The following PLEKHH3 variants were observed in gnomAD, a reference collection of about 807,000 sequenced individuals.
PLEKHH3 encodes the protein pleckstrin homology domain-containing family H member 3.
In PLEKHH3, 57 loss-of-function variants were observed where a neutral mutation model predicts 77.8. That is an observed-to-expected ratio of 0.73 (90% CI 0.59 to 0.91). PLEKHH3 has a LOEUF of 0.91. Among genes scored for constraint, PLEKHH3 ranks in the 40% least tolerant of loss-of-function variants. The pLI, the probability that PLEKHH3 is intolerant of heterozygous loss-of-function variation, is 0.00. For synonymous variants in PLEKHH3, 467 were observed against 504.8 expected (o/e 0.93, Z 1.00); for missense variants, 1,082 against 1,091.2 (o/e 0.99, Z 0.12).
In PLEKHH3 at chr17:42,668,257, GA is replaced by G; in HGVS notation, c.2251del (p.Ser751ProfsTer63). On this transcript the variant is annotated frameshift_variant, in exon 13 of 13. Transcript: ENST00000591022. LOFTEE classifies it high-confidence loss of function. ...AGAGCTGCTGCAGGGCCTCTCGGGG[GA>G]GGGGTTGGCCAAGTAGGCATTCACC... ...QLVNAYLANP[S>X]PERPCSSSSP... 1 of 1,559,604 alleles carries G rather than the reference GA, an allele frequency of 6.4e-7. No homozygotes were observed. The highest frequency in any genetic ancestry group is 8.6e-7 in the Non-Finnish European group (1 of 1,160,004).
chr17:42,671,509 T>G lies in PLEKHH3; in HGVS notation c.1126A>C (p.Ile376Leu), dbSNP rs2052701620. The change falls in exon 8 of 13, where the codon ATC becomes CTC. Residue 376 changes from isoleucine (I) to leucine (L), a missense_variant. By Grantham distance (5) the Ile-to-Leu change is conservative (BLOSUM62 2). Coordinates refer to ENST00000591022, the MANE Select transcript of PLEKHH3 (RefSeq NM_024927.5). This position sits in a 1 kb window ranked among gnomAD's most constrained non-coding sequence, Gnocchi z 4.7. ...DSELAEYARF[I>L]RKALGRTRGR... is the part of the protein sequence containing the mutation. The stretch of plus-strand genomic sequence containing the variant: ...CGCGTCCGGCCCAGCGCTTTCCGGA[T>G]GAAGCGCGCATATTCCGCCAGTTCC... 4 of 1,612,888 alleles carry G rather than the reference T, an allele frequency of 2.5e-6. No individual in the cohort carries two copies. The African/African-American group carries it at 4.0e-5, about 16-fold the overall frequency.
At chr17:42,669,689 G>A in intron 11 of PLEKHH3, 68 bp from the exon 12 acceptor site, 1 of 1,515,192 alleles carries the variant, frequency 6.6e-7, no homozygotes. Context: ...GGGGGAGATG[G>A]GTGTCTGTGA....
Position 42,672,303 on chromosome 17 carries a change from TC to T in PLEKHH3, c.858del (p.Met287CysfsTer53). 6.5e-7 allele frequency: 1 copy of T among 1,549,610 alleles called. No homozygotes were observed. Among genetic ancestry groups the T allele is most frequent in the Non-Finnish European group, 8.7e-7 (1 of 1,146,764 alleles). Reference protein sequence around the residue: ...ALEGARRPGPLMQGVLQTCRD... With the variant: ...ALEGARRPGPXMQGVLQTCRD... ...CGGCAGGTTTGGAGCACACCCTGCA[TC>T]AAGGGCCCGGGGCGCCGCGCCCCCT... On this transcript the variant is annotated frameshift_variant, in exon 7 of 13. Transcript: ENST00000591022. LOFTEE classifies it high-confidence loss of function.
intron 10 of PLEKHH3, 83 bp downstream of exon 10, chr17:42,670,490 T>C (rs572044100): frequency 1.4e-5 from 22 of 1,535,058 alleles, no homozygotes; most frequent in Admixed American, 1.0e-4. Flanking sequence ...GGGGCTGCCA[T>C]AGTGATGAAA....
Position 42,669,411 on chromosome 17 carries a change from A to G in PLEKHH3, c.2205+19T>C. The G allele has an allele frequency of 6.6e-7, 1 of 1,506,254 alleles. No homozygotes were observed. The allele number at this position is 1,506,254 out of a possible 1,614,324, so 93.3% of individuals were successfully genotyped here. On this transcript the variant is annotated intron_variant, in intron 12 of 12. Transcript: ENST00000591022. ...CGCTTCCCTTCTCTCCTCCTCCCAC[A>G]ACTCCTCTTCTCACTCACCTGGGGG...
At chr17:42,673,124 C>T (rs2052737672) in intron 6 of PLEKHH3, 52 bp downstream of exon 6, 2 of 1,472,658 alleles carry the variant, frequency 1.4e-6, no homozygotes, top group South Asian at 1.5e-5. Context: ...CAGATTCTTA[C>T]CTCTGAACCA....
At chr17:42,668,449 C>A in intron 12 of PLEKHH3, 146 bp from the exon 13 acceptor site, 1 of 603,264 alleles carries the variant, frequency 1.7e-6, no homozygotes, top group African/African-American at 1.9e-5. Context: ...TATCACCACT[C>A]TCTCCTTCAT....
Position 42,673,953 on chromosome 17 carries a change from G to A in PLEKHH3, c.279C>T (p.Asp93=), listed in dbSNP as rs1046705069. The change falls in exon 3 of 13, where the codon GAC becomes GAT. Residue 93 remains aspartate, a synonymous_variant. Transcript: ENST00000591022. ...LIPEKGLPED[D]PDIVVKGWLY... is the part of the protein sequence containing the mutation. ...CTCTACCTTTCACAACGATGTCCGGGTCGTCCTCCGGCAGCCCTTTCTCCG... is the reference window on the plus strand; with the variant it reads ...CTCTACCTTTCACAACGATGTCCGGATCGTCCTCCGGCAGCCCTTTCTCCG... The A allele has an allele frequency of 1.7e-5, 28 of 1,613,410 alleles. No individual in the cohort carries two copies. The highest frequency in any genetic ancestry group is 2.1e-5 in the Non-Finnish European group (25 of 1,179,940).
Position 42,676,636 on chromosome 17 carries a change from G to T in PLEKHH3, c.-73C>A, listed in dbSNP as rs2052834645. On this transcript the variant is annotated 5_prime_UTR_variant, in exon 1 of 13. Coordinates refer to ENST00000591022, the MANE Select transcript of PLEKHH3 (RefSeq NM_024927.5). The surrounding 1 kb of genome is among the most constrained non-coding windows in gnomAD (Gnocchi z 6.6). ...GTAGGGGGTCGGAGGAACTGGCGGGGCTCCGACCCGAGCAGGGGAAAGATG... is the reference window on the plus strand; with the variant it reads ...GTAGGGGGTCGGAGGAACTGGCGGGTCTCCGACCCGAGCAGGGGAAAGATG... The T allele has an allele frequency of 1.4e-6, 2 of 1,405,930 alleles. No homozygotes were observed. Among genetic ancestry groups the T allele is most frequent in the Admixed American group, 2.0e-5 (1 of 50,116 alleles). The allele number at this position is 1,405,930 out of a possible 1,614,324, so 87.1% of individuals were successfully genotyped here.
In PLEKHH3 at chr17:42,670,268, G is replaced by C; in HGVS notation, c.1663C>G (p.Pro555Ala). The C allele has an allele frequency of 2.3e-6, 3 of 1,289,398 alleles. No individual in the cohort carries two copies. Among genetic ancestry groups the C allele is most frequent in the Non-Finnish European group, 2.9e-6 (3 of 1,021,104 alleles). The allele number at this position is 1,289,398 out of a possible 1,614,324, so 79.9% of individuals were successfully genotyped here. The change falls in exon 11 of 13, where the codon CCC becomes GCC. Residue 555 changes from proline (P) to alanine (A), a missense_variant. Around this residue, in one of 3 missense-constraint regions of PLEKHH3, gnomAD observed 733 missense variants for 750.0 expected, o/e 0.98. Transcript: ENST00000591022. ...SLQRDFSPRVPLPRLDRLLPP... is the reference protein window; with the variant it reads ...SLQRDFSPRVALPRLDRLLPP... Reference sequence around the variant, plus strand: ...AGCAGGCGGTCCAGGCGGGGCAGGGGCACCCGCGGAGAGAAGTCCCGCTGC... The same window carrying C: ...AGCAGGCGGTCCAGGCGGGGCAGGGCCACCCGCGGAGAGAAGTCCCGCTGC...
At position 42,673,684 on chromosome 17, in the gene PLEKHH3, A is replaced by T. The variant is rs1386055039; in HGVS notation, c.449T>A (p.Leu150Gln). 2 of 1,602,426 alleles carry T rather than the reference A, an allele frequency of 1.2e-6. No individual in the cohort carries two copies. The highest frequency in any genetic ancestry group is 2.2e-5 in the South Asian group (2 of 91,058). ...GCGCTCTGGGCCGGTCACCGAGCAC[A>T]GGCTGGTGAGCACGAGGCTCCCGAG... Reference protein sequence around the residue: ...RRLGSLVLTSLCSVTGPERRR... With the variant: ...RRLGSLVLTSQCSVTGPERRR... The change falls in exon 4 of 13, where the codon CTG becomes CAG. Residue 150 changes from leucine (L) to glutamine (Q), a missense_variant. This residue lies in a region of PLEKHH3 where 344 missense variants were observed against 320.8 expected (regional missense o/e 1.07). Coordinates refer to ENST00000591022, the MANE Select transcript of PLEKHH3 (RefSeq NM_024927.5).
chr17:42,670,377 C>G lies in PLEKHH3; in HGVS notation c.1555-1G>C. The G allele has an allele frequency of 7.0e-7, 1 of 1,438,618 alleles. No homozygotes were observed. The highest frequency in any genetic ancestry group is 9.0e-7 in the Non-Finnish European group (1 of 1,105,818). 89.1% of individuals were successfully genotyped at this position (1,438,618 alleles called of 1,614,324 possible). On this transcript the variant is annotated splice_acceptor_variant, in intron 10 of 12. Coordinates refer to ENST00000591022, the MANE Select transcript of PLEKHH3 (RefSeq NM_024927.5). LOFTEE classifies it high-confidence loss of function. ...GGCCCCGCAGCAGCAGAGCGTGAGCCTGCAGGGGAGGCACCCGGCGTCAGT... is the reference window on the plus strand; with the variant it reads ...GGCCCCGCAGCAGCAGAGCGTGAGCGTGCAGGGGAGGCACCCGGCGTCAGT...
Position 42,671,029 on chromosome 17 carries a change from C to T in PLEKHH3, c.1386G>A (p.Gly462=), listed in dbSNP as rs538834328. 1.9e-5 allele frequency: 31 copies of T among 1,610,500 alleles called. No individual in the cohort carries two copies. Among genetic ancestry groups the T allele is most frequent in the East Asian group, 2.2e-5 (1 of 44,842 alleles). ...RGAQERALAG[G]TLVADVLTRF... is the part of the protein sequence containing the mutation. ...TGGTGAGCACGTCGGCCACGAGGGT[C>T]CCCCCAGCCAGGGCTCGCTCCTGGG... Residue 462 remains glycine (G), a synonymous_variant, in exon 9 of 13, where the codon GGG becomes GGA. Transcript: ENST00000591022. This position sits in a 1 kb window ranked among gnomAD's most constrained non-coding sequence, Gnocchi z 4.7.
chr17:42,672,387 C>A lies in PLEKHH3; in HGVS notation c.775G>T (p.Gly259Cys). 1.3e-6 allele frequency: 2 copies of A among 1,514,608 alleles called. No individual in the cohort carries two copies. Among genetic ancestry groups the A allele is most frequent in the Non-Finnish European group, 1.8e-6 (2 of 1,132,214 alleles). The allele number at this position is 1,514,608 out of a possible 1,614,324, so 93.8% of individuals were successfully genotyped here. A position where few individuals can be genotyped will look rare whatever the true frequency, so the allele number is the denominator to read the frequency against. ...LPYGVSAPGP[G>C]YAPLREEAVR... ...GCCTCCTCGCGCAGGGGTGCATAGC[C>A]CGGACCTGTGGGAGGGTGGGGGCGG... The change falls in exon 7 of 13, where the codon GGC (glycine) becomes TGC (cysteine). Residue 259 changes from glycine (G) to cysteine (C), a missense_variant. By Grantham distance (159) the Gly-to-Cys change is radical. Transcript: ENST00000591022.
chr17:42,669,889 A>G (rs2052645200), intron 11 of PLEKHH3, 29 bp downstream of exon 11: 1 of 1,611,740 alleles, frequency 6.2e-7, no homozygotes, highest in East Asian at 2.2e-5. Context: ...TTGGGCCGCC[A>G]GAGTCCCCTT....
At chr17:42,670,764 G>C in intron 9 of PLEKHH3, 59 bp from the exon 10 acceptor site, 1 of 1,570,934 alleles carries the variant, frequency 6.4e-7, no homozygotes, top group Non-Finnish European at 8.7e-7. Context: ...GGCGAGGGCA[G>C]CTTGGGGTGG....
Position 42,676,594 on chromosome 17 carries a change from G to A in PLEKHH3, c.-31C>T. On this transcript the variant is annotated 5_prime_UTR_variant, in exon 1 of 13. Coordinates refer to ENST00000591022, the MANE Select transcript of PLEKHH3 (RefSeq NM_024927.5). This position sits in a 1 kb window ranked among gnomAD's most constrained non-coding sequence, Gnocchi z 6.6. ...CGAGGAGCTGCGGATGGGGGCGCGG[G>A]CAGCCGCGGCCGAGCAGTAGGGGGT... The A allele has an allele frequency of 6.5e-7, 1 of 1,543,408 alleles. No homozygotes were observed. Among genetic ancestry groups the A allele is most frequent in the Non-Finnish European group, 8.7e-7 (1 of 1,146,308 alleles).
chr17:42,669,311 T>C, intron 12 of PLEKHH3, 119 bp downstream of exon 12: 9 of 1,014,338 alleles, frequency 8.9e-6, no homozygotes, highest in Non-Finnish European at 1.2e-5. Context: ...AGCTTGTCTG[T>C]GATCACTGCT....
At chr17:42,673,025 G>T in intron 6 of PLEKHH3, 151 bp downstream of exon 6, 2 of 1,140,282 alleles carry the variant, frequency 1.8e-6, no homozygotes, top group Non-Finnish European at 2.3e-6. Context: ...CTCCACCCTG[G>T]CCAGCTTCCA....
Sources: gnomAD v4.1 joint callset for allele counts on GRCh38, gnomAD v4.1.1 for gene constraint, gnomAD v4.1.1 regional missense constraint, Gnocchi (gnomAD v3.1) non-coding constraint, MANE v1.5 for transcripts, NCBI Gene and HGNC (gene_info 2026-07-23, HGNC 2026-07-21) for gene names.